The following BRINP1 variants were observed in gnomAD, a reference collection of about 807,000 sequenced individuals.
BRINP1 encodes BMP/retinoic acid-inducible neural-specific protein 1.
A neutral mutation model predicts 72.9 loss-of-function variants in BRINP1; 17 were observed. That is an observed-to-expected ratio of 0.23 (90% confidence interval 0.16 to 0.35). The LOEUF (loss-of-function observed/expected upper bound fraction) is 0.35, where lower values mean the gene tolerates loss of function less well. Ranked by LOEUF, BRINP1 falls within the 10% of genes least tolerant of loss-of-function variation. The pLI is 1.00. For synonymous variants in BRINP1, 418 were observed against 378.5 expected, an observed-to-expected ratio of 1.10 and a Z score of -1.21; for missense variants, 850 against 1,001.6, an observed-to-expected ratio of 0.85 and a Z score of 2.04.
intron 1 of BRINP1, among the ~76,000 whole-genome samples, chr9:119,339,220 T>C (rs1387223850): frequency 6.6e-6 from 1 of 152,202 alleles, no homozygotes; most frequent in African/African-American, 2.4e-5. Flanking sequence ...AAAGTAGCCA[T>C]GGACAATCAA....
chr9:119,307,932 T>C (rs1190689111), intron 2 of BRINP1, among the ~76,000 whole-genome samples: 2 of 152,208 alleles, frequency 1.3e-5, no homozygotes, highest in African/African-American at 4.8e-5. Context: ...CACACATGCC[T>C]ATGACAGGTC....
At chr9:119,262,399 C>T (rs571399768) in intron 2 of BRINP1, among the ~76,000 whole-genome samples, 2 of 151,574 alleles carry the variant, frequency 1.3e-5, no homozygotes, top group Non-Finnish European at 2.9e-5. Context: ...TTTGGGAGGT[C>T]GAGGCGGGCG....
intron 2 of BRINP1, among the ~76,000 whole-genome samples, chr9:119,311,578 C>G (rs910725860): frequency 1.3e-5 from 2 of 152,270 alleles, no homozygotes; most frequent in African/African-American, 4.8e-5. Context: ...AGGTTGAAAA[C>G]TGCTGATCTA....
At chr9:119,229,047 G>A (rs1404844389) in intron 5 of BRINP1, among the ~76,000 whole-genome samples, 3 of 152,062 alleles carry the variant, frequency 2.0e-5, no homozygotes, top group Non-Finnish European at 2.9e-5. Flanking sequence ...TATGTATTTG[G>A]TTTAATCCCC....
intron 2 of BRINP1, among the ~76,000 whole-genome samples, chr9:119,281,319 C>T (rs192779661): frequency 2.9e-4 from 44 of 152,132 alleles, no homozygotes; most frequent in Non-Finnish European, 5.7e-4. Context: ...TGCAATCAAT[C>T]AGCCTGCTTT....
chr9:119,189,890 G>A (rs1311523798), intron 7 of BRINP1, among the ~76,000 whole-genome samples: 2 of 151,810 alleles, frequency 1.3e-5, no homozygotes, highest in East Asian at 1.9e-4. Flanking sequence ...AGAGCACATG[G>A]TACATTCTCC....
At chr9:119,306,557 G>A (rs375466608) in intron 2 of BRINP1, among the ~76,000 whole-genome samples, 219 of 152,290 alleles carry the variant, frequency 1.4e-3, no homozygotes, top group Middle Eastern at 0.014. Context: ...AACAAGGAAT[G>A]TTCTGAAGGG....
intron 5 of BRINP1, among the ~76,000 whole-genome samples, chr9:119,225,122 G>C (rs1440436656): frequency 2.0e-5 from 3 of 151,908 alleles, no homozygotes; most frequent in African/African-American, 7.3e-5. Flanking sequence ...GTCAAAGGTG[G>C]AAACAACCCT....
chr9:119,348,819 G>C (rs1434467231), intron 1 of BRINP1, among the ~76,000 whole-genome samples: 2 of 152,116 alleles, frequency 1.3e-5, no homozygotes, highest in East Asian at 3.9e-4. Flanking sequence ...GCCAGGCCTG[G>C]TGCATAGCAT....
rs539556445 is a variant in BRINP1, at chr9:119,218,116, A to T, written c.686-3961T>A. On this transcript the variant is annotated intron_variant, in intron 5 of 7. Transcript: ENST00000265922. ...GAGAGTAGGCTCTAGGGAAGAAGGG[A>T]CCTGTCTGCCCTCTAAGGGCCCCCA... Among the ~76,000 whole-genome samples the T allele has an allele frequency of 2.4e-4, 37 of 151,772 alleles. 1 individual carries two copies. In the South Asian group the frequency reaches 6.7e-3, roughly 27 times the overall value.
intron 7 of BRINP1, among the ~76,000 whole-genome samples, chr9:119,174,051 C>T (rs1297043435): frequency 1.5e-5 from 2 of 129,458 alleles, no homozygotes; most frequent in Admixed American, 7.2e-5. Context: ...AGGACATAGG[C>T]GTGGGCAAGG....
intron 1 of BRINP1, among the ~76,000 whole-genome samples, chr9:119,318,349 A>T (rs1374446321): frequency 6.6e-6 from 1 of 152,208 alleles, no homozygotes; most frequent in African/African-American, 2.4e-5. Flanking sequence ...AAAAAAATTT[A>T]AAAGAGAAAT....
At chr9:119,232,215 C>G (rs1367335150) in intron 5 of BRINP1, among the ~76,000 whole-genome samples, 1 of 152,106 alleles carries the variant, frequency 6.6e-6, no homozygotes, top group Non-Finnish European at 1.5e-5. Context: ...TCAGGCTAAC[C>G]TTAAAAATTC....
At chr9:119,233,000 A>G (rs1291163748) in intron 5 of BRINP1, among the ~76,000 whole-genome samples, 1 of 149,166 alleles carries the variant, frequency 6.7e-6, no homozygotes, top group Non-Finnish European at 1.5e-5. Context: ...CTCATTTCTA[A>G]TCTCCTCCAA....
intron 2 of BRINP1, among the ~76,000 whole-genome samples, chr9:119,268,222 G>A (rs551051424): frequency 4.0e-5 from 6 of 149,954 alleles, no homozygotes; most frequent in East Asian, 4.0e-4. Flanking sequence ...CAGCCTGGGC[G>A]ACAGAGTGAG....
chr9:119,230,008 T>C (rs1830131726), intron 5 of BRINP1, among the ~76,000 whole-genome samples: 1 of 151,938 alleles, frequency 6.6e-6, no homozygotes, highest in Non-Finnish European at 1.5e-5. Context: ...GTGTGGCAAC[T>C]CCTAGAGAAG....
At chr9:119,243,566 C>G (rs943172514) in intron 3 of BRINP1, among the ~76,000 whole-genome samples, 2 of 152,146 alleles carry the variant, frequency 1.3e-5, no homozygotes, top group Non-Finnish European at 2.9e-5. Flanking sequence ...TTGATACATA[C>G]TCAGTAATGG....
intron 2 of BRINP1, among the ~76,000 whole-genome samples, chr9:119,265,434 C>T (rs1407939073): frequency 6.6e-6 from 1 of 151,832 alleles, no homozygotes. Context: ...ACTCTTGTCT[C>T]TACTAAAAAT....
chr9:119,251,693 AGG>A (rs61563981), intron 2 of BRINP1, among the ~76,000 whole-genome samples: 1 of 151,730 alleles, frequency 6.6e-6, no homozygotes, highest in Non-Finnish European at 1.5e-5. Flanking sequence ...AGAATAAAAT[AGG>A]GGGGAGCATG....
Sources: gnomAD v4.1 joint callset for allele counts (sites outside exome capture counted in the v4.1 genomes callset) on GRCh38, gnomAD v4.1.1 for gene constraint, MANE v1.5 for transcripts, NCBI Gene and HGNC (gene_info 2026-07-23, HGNC 2026-07-21) for gene names.